PLSCR2: variants seen among roughly 807,000 people sequenced by gnomAD.
The protein encoded by PLSCR2 is phospholipid scramblase 2.
A neutral mutation model predicts 25.3 loss-of-function variants in PLSCR2; 18 were observed. The observed-to-expected ratio is 0.71, with a 90% CI of 0.49 to 1.06. The LOEUF (loss-of-function observed/expected upper bound fraction) is 1.06, where lower values mean the gene tolerates loss of function less well. Among genes scored for constraint, PLSCR2 ranks in the 50% least tolerant of loss-of-function variants. The probability of loss-of-function intolerance (pLI) is 0.00; values close to 1 mark genes in which losing one functional copy is unlikely to be tolerated. For synonymous variants in PLSCR2, 88 were observed against 87.3 expected (o/e 1.01, Z -0.04); for missense variants, 243 against 269.5 (o/e 0.90, Z 0.69).
At chr3:146,495,456 G>T (rs1405906208) in intron 1 of PLSCR2, among the ~76,000 whole-genome samples, 1 of 152,184 alleles carries the variant, frequency 6.6e-6, no homozygotes, top group Non-Finnish European at 1.5e-5. Context: ...ATATGTTAAA[G>T]TCCTAACTCC....
At chr3:146,394,318 A>G (rs527775728) in intron 3 of PLSCR2, among the ~76,000 whole-genome samples, 1 of 151,698 alleles carries the variant, frequency 6.6e-6, no homozygotes, top group Admixed American at 6.6e-5. Context: ...TCCAGGCTGG[A>G]GTGCAGTGGT....
At chr3:146,449,350 T>C in exon 6 of PLSCR2, 5 of 1,595,894 alleles carry the variant, frequency 3.1e-6, no homozygotes, top group Admixed American at 1.8e-5. Flanking sequence ...CCACAATTTG[T>C]TCATCAAGAG....
downstream of PLSCR2, among the ~76,000 whole-genome samples, chr3:146,440,032 G>C (rs1010803058): frequency 1.3e-5 from 2 of 152,178 alleles, no homozygotes; most frequent in African/African-American, 2.4e-5. Flanking sequence ...GAGTTTGCTT[G>C]AAGTCCACTC....
At chr3:146,474,098 TTGTATA>T (rs1380656946) in intron 1 of PLSCR2, among the ~76,000 whole-genome samples, 1 of 138,390 alleles carries the variant, frequency 7.2e-6, no homozygotes, top group Non-Finnish European at 1.6e-5. Flanking sequence ...CTGCTTACTT[TTGTATA>T]TGTATATTAA....
At chr3:146,426,315 C>T (rs1241605919) in intron 2 of PLSCR2, among the ~76,000 whole-genome samples, 1 of 150,098 alleles carries the variant, frequency 6.7e-6, no homozygotes, top group African/African-American at 2.5e-5. Flanking sequence ...CCCTCCTTCC[C>T]TCCTTCCTTC....
chr3:146,400,098 G>A (rs1320393901), intron 2 of PLSCR2, among the ~76,000 whole-genome samples: 1 of 151,716 alleles, frequency 6.6e-6, no homozygotes, highest in Non-Finnish European at 1.5e-5. Context: ...AGAACAAAAT[G>A]TTTCTGAGAT....
At chr3:146,460,993 TA>T (rs1186086590), upstream of PLSCR2, among the ~76,000 whole-genome samples, 2 of 151,922 alleles carry the variant, frequency 1.3e-5, no homozygotes, top group Non-Finnish European at 2.9e-5. Context: ...AAAACAAAAG[TA>T]AAAAAATCAA....
intron 2 of PLSCR2, among the ~76,000 whole-genome samples, chr3:146,403,908 G>A (rs1046291771): frequency 2.6e-5 from 4 of 151,902 alleles, no homozygotes; most frequent in African/African-American, 7.3e-5. Context: ...TAACTTCCTC[G>A]TAAAACAACC....
chr3:146,434,523 T>A (rs1309045079), intron 8 of PLSCR2, among the ~76,000 whole-genome samples: 1 of 151,882 alleles, frequency 6.6e-6, no homozygotes, highest in Non-Finnish European at 1.5e-5. Context: ...TGAAAACATC[T>A]CTATGTACTT....
chr3:146,404,400 T>C (rs951644851), intron 2 of PLSCR2, among the ~76,000 whole-genome samples: 1 of 152,200 alleles, frequency 6.6e-6, no homozygotes, highest in Non-Finnish European at 1.5e-5. Flanking sequence ...ATAACAAGCA[T>C]ACTCCTGCCA....
At chr3:146,432,391 T>C (rs1258079806), downstream of PLSCR2, among the ~76,000 whole-genome samples, 1 of 152,078 alleles carries the variant, frequency 6.6e-6, no homozygotes, top group East Asian at 1.9e-4. Context: ...GAGTGGAAAA[T>C]AGTATCTAGA....
At chr3:146,452,045 A>C (rs1359170308) in intron 5 of PLSCR2, among the ~76,000 whole-genome samples, 1 of 152,234 alleles carries the variant, frequency 6.6e-6, no homozygotes, top group Non-Finnish European at 1.5e-5. Flanking sequence ...ATCCTGCTTT[A>C]TAGCTAGTTG....
intron 2 of PLSCR2, among the ~76,000 whole-genome samples, chr3:146,420,109 T>A (rs1292668172): frequency 6.6e-6 from 1 of 152,100 alleles, no homozygotes; most frequent in African/African-American, 2.4e-5. Context: ...CCCATTTTTC[T>A]TGAATAAATG....
intron 2 of PLSCR2, among the ~76,000 whole-genome samples, chr3:146,397,020 T>C (rs199684218): frequency 1.3e-5 from 2 of 152,250 alleles, no homozygotes; most frequent in East Asian, 3.9e-4. Flanking sequence ...GAATGGGCCA[T>C]CTCTATATGA....
chr3:146,471,764 C>T (rs968378543), intron 1 of PLSCR2, among the ~76,000 whole-genome samples: 1 of 151,806 alleles, frequency 6.6e-6, no homozygotes, highest in African/African-American at 2.4e-5. Context: ...ATGGGGTTTC[C>T]CCATGTTGGC....
At chr3:146,409,556 C>G (rs1442540240) in intron 2 of PLSCR2, among the ~76,000 whole-genome samples, 1 of 152,046 alleles carries the variant, frequency 6.6e-6, no homozygotes, top group Non-Finnish European at 1.5e-5. Context: ...AGTAACAACC[C>G]GCCACACAGC....
intron 2 of PLSCR2, chr3:146,398,520 T>C (rs1258857459): frequency 2.0e-5 from 3 of 151,446 alleles, no homozygotes; most frequent in Non-Finnish European, 4.4e-5. Context: ...ATCCAATTTT[T>C]TTTTAAAAAG....
intron 5 of PLSCR2, among the ~76,000 whole-genome samples, chr3:146,449,797 C>A (rs2040791530): frequency 6.6e-6 from 1 of 152,020 alleles, no homozygotes; most frequent in African/African-American, 2.4e-5. Flanking sequence ...GTTTACACAG[C>A]TGAATGTTTA....
intron 2 of PLSCR2, among the ~76,000 whole-genome samples, chr3:146,400,510 A>G (rs1427667594): frequency 6.6e-6 from 1 of 151,600 alleles, no homozygotes; most frequent in African/African-American, 2.4e-5. Flanking sequence ...GAAATATGCC[A>G]TAGCCATTGA....
Sources: gnomAD v4.1 joint callset for allele counts (sites outside exome capture counted in the v4.1 genomes callset) on GRCh38, gnomAD v4.1.1 for gene constraint, MANE v1.5 for transcripts, NCBI Gene and HGNC (gene_info 2026-07-23, HGNC 2026-07-21) for gene names.